The following LRP1B variants were observed in gnomAD, a reference collection of about 807,000 sequenced individuals.
LRP1B encodes the protein low-density lipoprotein receptor-related protein 1B.
Under a neutral mutation model 556.6 loss-of-function variants are expected in LRP1B, and 217 were observed. The observed-to-expected ratio is 0.39, with a 90% CI of 0.35 to 0.44. The LOEUF is 0.44. LRP1B is among the 20% of genes least tolerant of loss of function. LRP1B has a pLI of 1.00. For missense variants in LRP1B, 5,053 were observed against 5,620.8 expected (o/e 0.90, Z 3.23); for synonymous variants, 2,047 against 1,865.8 (o/e 1.10, Z -2.50).
At chr2:140,787,907 T>C (rs537941786) in intron 32 of LRP1B, among the ~76,000 whole-genome samples, 1 of 152,232 alleles carries the variant, frequency 6.6e-6, no homozygotes, top group Admixed American at 6.5e-5. Context: ...GCAGGAGATA[T>C]GCCTTTATTA....
intron 18 of LRP1B, among the ~76,000 whole-genome samples, chr2:140,973,711 C>T (rs1355065147): frequency 6.6e-6 from 1 of 151,932 alleles, no homozygotes; most frequent in Non-Finnish European, 1.5e-5. Flanking sequence ...GTAAAAAATA[C>T]CAAATTTCTA....
intron 25 of LRP1B, among the ~76,000 whole-genome samples, chr2:140,875,725 T>A (rs1693284560): frequency 6.6e-6 from 1 of 152,166 alleles, no homozygotes; most frequent in Non-Finnish European, 1.5e-5. Flanking sequence ...TTGGCTTATT[T>A]GTTATAAAAA....
intron 2 of LRP1B, among the ~76,000 whole-genome samples, chr2:141,617,266 T>C (rs1214345856): frequency 6.6e-6 from 1 of 152,146 alleles, no homozygotes; most frequent in Non-Finnish European, 1.5e-5. Context: ...TAAACAAATA[T>C]ACAAACACAA....
intron 25 of LRP1B, among the ~76,000 whole-genome samples, chr2:140,871,242 T>C (rs561660590): frequency 2.0e-5 from 3 of 152,286 alleles, no homozygotes; most frequent in Non-Finnish European, 4.4e-5. Context: ...ATAGTACACA[T>C]TTGTTGGGAA....
At chr2:141,307,625 C>T (rs974770510) in intron 3 of LRP1B, among the ~76,000 whole-genome samples, 28 of 151,984 alleles carry the variant, frequency 1.8e-4, no homozygotes, top group African/African-American at 6.8e-4. Context: ...GGTTAGGATG[C>T]AGTTGTTAGT....
At chr2:140,696,478 A>G (rs1417827582) in intron 41 of LRP1B, among the ~76,000 whole-genome samples, 1 of 152,152 alleles carries the variant, frequency 6.6e-6, no homozygotes, top group Non-Finnish European at 1.5e-5. Context: ...AATTATTGTA[A>G]TTATTTCTGA....
At chr2:141,400,408 A>G (rs1275920251) in intron 3 of LRP1B, among the ~76,000 whole-genome samples, 1 of 152,246 alleles carries the variant, frequency 6.6e-6, no homozygotes, top group African/African-American at 2.4e-5. Flanking sequence ...TTAGTAAATT[A>G]CAGAGCTGTA....
At chr2:141,641,684 T>C (rs561984851) in intron 2 of LRP1B, among the ~76,000 whole-genome samples, 2 of 152,266 alleles carry the variant, frequency 1.3e-5, no homozygotes, top group South Asian at 4.1e-4. Flanking sequence ...ATGTACATGC[T>C]ACAGCCTCTA....
chr2:140,945,835 T>G (rs1180525475), intron 20 of LRP1B, among the ~76,000 whole-genome samples: 1 of 152,108 alleles, frequency 6.6e-6, no homozygotes, highest in Non-Finnish European at 1.5e-5. Context: ...CTAAAGCAAT[T>G]GCAACAAAAG....
chr2:140,850,871 CACTTT>C (rs1259586704), intron 28 of LRP1B, among the ~76,000 whole-genome samples: 1 of 152,096 alleles, frequency 6.6e-6, no homozygotes, highest in African/African-American at 2.4e-5. Flanking sequence ...GGCGTTATAT[CACTTT>C]ACTTCCTTGC....
intron 31 of LRP1B, among the ~76,000 whole-genome samples, chr2:140,829,605 A>C (rs1006932007): frequency 2.6e-5 from 4 of 152,188 alleles, no homozygotes; most frequent in Non-Finnish European, 4.4e-5. Context: ...AAAACATAAC[A>C]TACCAAAACT....
chr2:141,069,724 C>A (rs1165974538), intron 7 of LRP1B, among the ~76,000 whole-genome samples: 2 of 152,044 alleles, frequency 1.3e-5, no homozygotes, highest in African/African-American at 4.8e-5. Flanking sequence ...ATCCCTCATT[C>A]TTAGGCTGTA....
intron 35 of LRP1B, among the ~76,000 whole-genome samples, chr2:140,755,881 G>T (rs905707194): frequency 2.6e-5 from 4 of 151,808 alleles, no homozygotes; most frequent in Non-Finnish European, 5.9e-5. Flanking sequence ...GGAGGAGGAG[G>T]AGTAAAAGGC....
intron 66 of LRP1B, among the ~76,000 whole-genome samples, chr2:140,427,895 G>C (rs1261697413): frequency 6.6e-6 from 1 of 152,000 alleles, no homozygotes; most frequent in Non-Finnish European, 1.5e-5. Context: ...CACGGGGTCC[G>C]GCTTACAGTT....
chr2:141,040,621 G>C (rs889504915), intron 11 of LRP1B, among the ~76,000 whole-genome samples: 1 of 152,108 alleles, frequency 6.6e-6, no homozygotes, highest in South Asian at 2.1e-4. Flanking sequence ...GATTGTGTGT[G>C]TGTGTGCGCA....
intron 67 of LRP1B, among the ~76,000 whole-genome samples, chr2:140,381,929 C>T (rs1683522595): frequency 6.8e-6 from 1 of 147,086 alleles, no homozygotes; most frequent in Non-Finnish European, 1.5e-5. Context: ...GTAGACTGAT[C>T]ATTTCTTTCA....
chr2:140,240,709 A>T (rs1680913521), intron 87 of LRP1B, among the ~76,000 whole-genome samples: 1 of 150,948 alleles, frequency 6.6e-6, no homozygotes, highest in Admixed American at 6.6e-5. Flanking sequence ...CTAAGAAACC[A>T]AGCAGCCCAA....
rs192506343 is a variant in LRP1B, at chr2:142,088,560, C to A, written c.82+42088G>T. The stretch of plus-strand genomic sequence containing the variant: ...CTAATATTCTTCCATATCAGGATAC[C>A]TTCGCCTACAAAAAAGCTAGTCATG... On this transcript the variant is annotated intron_variant, in intron 1 of 90. Coordinates refer to ENST00000389484, the MANE Select transcript of LRP1B (RefSeq NM_018557.3). 8.5e-5 allele frequency among the ~76,000 whole-genome samples: 13 copies of A among 152,238 alleles called. No individual in the cohort carries two copies. In the East Asian group the frequency reaches 1.9e-3, roughly 23 times the overall value.
chr2:140,375,875 C>A (rs1194077899), intron 68 of LRP1B, among the ~76,000 whole-genome samples: 1 of 151,870 alleles, frequency 6.6e-6, no homozygotes, highest in Non-Finnish European at 1.5e-5. Flanking sequence ...TTTTAAACTT[C>A]TTCTTTGTTG....
Sources: gnomAD v4.1 joint callset for allele counts (sites outside exome capture counted in the v4.1 genomes callset) on GRCh38, gnomAD v4.1.1 for gene constraint, MANE v1.5 for transcripts, NCBI Gene and HGNC (gene_info 2026-07-23, HGNC 2026-07-21) for gene names.